The following RAPGEF4 variants were observed in gnomAD, a reference collection of about 807,000 sequenced individuals.
The protein encoded by RAPGEF4 is RAP guanine-nucleotide-exchange factor (GEF) 4.
RAPGEF4 carries 66 observed loss-of-function variants against 147.9 expected under a neutral mutation model. That is an observed-to-expected ratio of 0.45 (90% confidence interval 0.37 to 0.55). The LOEUF (loss-of-function observed/expected upper bound fraction) is 0.55, where lower values mean the gene tolerates loss of function less well. Among genes scored for constraint, RAPGEF4 ranks in the 20% least tolerant of loss-of-function variants. The pLI is 0.00. For synonymous variants in RAPGEF4, 419 were observed against 442.7 expected, an observed-to-expected ratio of 0.95 and a Z score of 0.67; for missense variants, 1,071 against 1,257.3, an observed-to-expected ratio of 0.85 and a Z score of 2.24.
chr2:172,983,344 G>A, intron 10 of RAPGEF4, 152 bp from the exon 11 acceptor site: 4 of 1,382,552 alleles, frequency 2.9e-6, no homozygotes, highest in Non-Finnish European at 3.8e-6. Flanking sequence ...AATCCCTTTA[G>A]GCATTATACT....
At chr2:172,947,313 T>C (rs988134375) in intron 6 of RAPGEF4, among the ~76,000 whole-genome samples, 1 of 152,222 alleles carries the variant, frequency 6.6e-6, no homozygotes, top group East Asian at 1.9e-4. Flanking sequence ...TTCAATACTT[T>C]TTTTGTTTTG....
At chr2:172,950,735 A>C (rs369985731) in intron 6 of RAPGEF4, among the ~76,000 whole-genome samples, 2 of 152,270 alleles carry the variant, frequency 1.3e-5, no homozygotes, top group Non-Finnish European at 2.9e-5. Context: ...GTACTTGAGT[A>C]TTCCAAAAAT....
intron 6 of RAPGEF4, among the ~76,000 whole-genome samples, chr2:172,960,224 C>T (rs1324416025): frequency 1.3e-5 from 2 of 152,174 alleles, no homozygotes; most frequent in African/African-American, 4.8e-5. Flanking sequence ...CTAACTGCCT[C>T]AGTGGGCTCT....
rs1698875132 is a variant in RAPGEF4, at chr2:172,899,767, G to A, written c.445-18035G>A. 2.0e-5 allele frequency among the ~76,000 whole-genome samples: 3 copies of A among 152,148 alleles called. No individual in the cohort carries two copies. The South Asian group carries it at 6.2e-4, about 32-fold the overall frequency. ...AGGCTCTGGGTCAGCTGTGAAGGGTGGGCTGCATTTCAGGCTAGAACTAGA... is the reference window on the plus strand; with the variant it reads ...AGGCTCTGGGTCAGCTGTGAAGGGTAGGCTGCATTTCAGGCTAGAACTAGA... On this transcript the variant is annotated intron_variant, in intron 4 of 30. Coordinates refer to ENST00000397081, the MANE Select transcript of RAPGEF4 (RefSeq NM_007023.4).
At chr2:172,896,225 AG>A (rs1000917148) in intron 4 of RAPGEF4, among the ~76,000 whole-genome samples, 24 of 152,204 alleles carry the variant, frequency 1.6e-4, no homozygotes, top group Admixed American at 1.6e-3. Flanking sequence ...GTCCTTATTG[AG>A]ATAGGACAGA....
intron 4 of RAPGEF4, among the ~76,000 whole-genome samples, chr2:172,860,842 C>G (rs1223701733): frequency 1.3e-5 from 2 of 151,722 alleles, no homozygotes; most frequent in Non-Finnish European, 2.9e-5. Flanking sequence ...TTCTATGGAC[C>G]TTTTTATATT....
In RAPGEF4 at chr2:172,996,466, G is replaced by A; in HGVS notation, c.1491G>A (p.Lys497=). The A allele has an allele frequency of 6.5e-7, 1 of 1,547,914 alleles. No individual in the cohort carries two copies. The highest frequency in any genetic ancestry group is 8.7e-7 in the Non-Finnish European group (1 of 1,151,580). The change falls in exon 16 of 31, where the codon AAG becomes AAA. Residue 497 remains lysine (K), a splice_region_variant and synonymous_variant. Transcript: ENST00000397081. The part of the protein sequence containing the change: ...SNQGNSQPQQ[K]YTVMSGTPEK... ...AATGGCATTTTTGTTTCTTATCCAG[G>A]TATACTGTGATGTCAGGAACACCTG...
At chr2:173,006,698 TG>T (rs1694514949) in intron 17 of RAPGEF4, among the ~76,000 whole-genome samples, 1 of 152,230 alleles carries the variant, frequency 6.6e-6, no homozygotes, top group African/African-American at 2.4e-5. Context: ...GTTTTATAAG[TG>T]GAACATTTAT....
chr2:173,037,562 T>C (rs531340594), intron 29 of RAPGEF4, among the ~76,000 whole-genome samples: 2 of 152,342 alleles, frequency 1.3e-5, no homozygotes, highest in East Asian at 3.9e-4. Context: ...CCAAAACCTT[T>C]CTTTAGCTGC....
At chr2:172,736,901 C>T (rs1403923256) in intron 1 of RAPGEF4, among the ~76,000 whole-genome samples, 3 of 152,190 alleles carry the variant, frequency 2.0e-5, no homozygotes, top group Non-Finnish European at 2.9e-5. Context: ...CTCTGAATTT[C>T]GGAGTTTGAT....
At chr2:172,897,732 C>CTTATTTTATTTTATTTTATTT (rs139047578) in intron 4 of RAPGEF4, among the ~76,000 whole-genome samples, 1 of 134,140 alleles carries the variant, frequency 7.5e-6, no homozygotes, top group African/African-American at 2.8e-5. Flanking sequence ...GAGTTTTCAT[C>CTTATTTTATTTTATTTTATTT]TATTTTATTT....
At chr2:173,027,410 G>A in intron 25 of RAPGEF4, 151 bp downstream of exon 25, 2 of 554,414 alleles carry the variant, frequency 3.6e-6, no homozygotes, top group Non-Finnish European at 6.0e-6. Flanking sequence ...CTCTTGTAAT[G>A]GATCTCTCCT....
intron 29 of RAPGEF4, 137 bp from the exon 30 acceptor site, chr2:173,048,463 G>A (rs1275651095): frequency 6.9e-7 from 1 of 1,443,304 alleles, no homozygotes; most frequent in Non-Finnish European, 9.1e-7. Flanking sequence ...TCAGCTAGTT[G>A]CCTTCAGATA....
At chr2:172,876,986 G>A (rs957297809) in intron 4 of RAPGEF4, among the ~76,000 whole-genome samples, 1 of 151,986 alleles carries the variant, frequency 6.6e-6, no homozygotes, top group Non-Finnish European at 1.5e-5. Flanking sequence ...GGGTGTAGGT[G>A]TCGAGGAATT....
chr2:172,931,188 T>TGGGGGGGGGGGGGGGGGGGGGGGGG (rs1575283791), intron 6 of RAPGEF4, among the ~76,000 whole-genome samples: 1 of 1,514 alleles, frequency 6.6e-4, no homozygotes, highest in Non-Finnish European at 1.6e-3. Context: ...GGGGGGGCGC[T>TGGGGGGGGGGGGGGGGGGGGGGGGG]GGGGGGCGGG....
At chr2:172,776,342 A>T (rs1468862529) in intron 1 of RAPGEF4, among the ~76,000 whole-genome samples, 1 of 152,212 alleles carries the variant, frequency 6.6e-6, no homozygotes. Flanking sequence ...ATTAACAAGG[A>T]GGGGAAATAA....
intron 4 of RAPGEF4, among the ~76,000 whole-genome samples, chr2:172,850,542 C>T (rs921241065): frequency 6.6e-6 from 1 of 151,692 alleles, no homozygotes; most frequent in Non-Finnish European, 1.5e-5. Context: ...GGCATGAACC[C>T]GGGAGGCGGA....
At chr2:172,857,102 A>G (rs371108074) in intron 4 of RAPGEF4, among the ~76,000 whole-genome samples, 56 of 151,944 alleles carry the variant, frequency 3.7e-4, no homozygotes, top group Admixed American at 1.0e-3. Flanking sequence ...GAATTGAATT[A>G]CTTTTGTGAC....
At chr2:173,035,511 CAAAAAA>C (rs926764976) in intron 27 of RAPGEF4, among the ~76,000 whole-genome samples, 2 of 65,472 alleles carry the variant, frequency 3.1e-5, no homozygotes, top group African/African-American at 5.9e-5. Flanking sequence ...ACTCTGTCTC[CAAAAAA>C]AAAAAAAAAA....
Sources: allele counts gnomAD v4.1 joint callset (sites outside exome capture counted in the v4.1 genomes callset), GRCh38; gene constraint gnomAD v4.1.1; transcripts MANE v1.5; gene names NCBI Gene and HGNC (gene_info 2026-07-23, HGNC 2026-07-21).